Variants in PTPN9 observed in about 807,000 individuals in gnomAD.
PTPN9 encodes tyrosine-protein phosphatase non-receptor type 9.
A neutral mutation model predicts 69.8 loss-of-function variants in PTPN9; 26 were observed. The ratio of observed to expected loss-of-function variants is 0.37; its 90% CI spans 0.27 to 0.52. PTPN9 has a LOEUF of 0.52. Ranked by LOEUF, PTPN9 falls within the 20% of genes least tolerant of loss-of-function variation. The probability of loss-of-function intolerance (pLI) is 0.91; values close to 1 mark genes in which losing one functional copy is unlikely to be tolerated. For missense variants in PTPN9, 549 were observed against 740.3 expected (o/e 0.74, Z 3.00); for synonymous variants, 274 against 272.5 (o/e 1.01, Z -0.05).
chr15:75,529,655 A>T (rs1023307770), intron 1 of PTPN9, among the ~76,000 whole-genome samples: 1 of 152,182 alleles, frequency 6.6e-6, no homozygotes, highest in African/African-American at 2.4e-5. Flanking sequence ...CACAACTATA[A>T]TCCCAGCACT....
intron 7 of PTPN9, among the ~76,000 whole-genome samples, chr15:75,494,047 G>A (rs1018100795): frequency 6.6e-5 from 10 of 150,886 alleles, no homozygotes; most frequent in South Asian, 6.2e-4. Context: ...TTTTGACAGC[G>A]TTGAGTACTT....
intron 1 of PTPN9, among the ~76,000 whole-genome samples, chr15:75,547,112 G>A (rs2075036437): frequency 1.3e-5 from 2 of 151,614 alleles, no homozygotes; most frequent in African/African-American, 4.8e-5. Context: ...CTGGCCAAAT[G>A]GTGAAACTTT....
intron 1 of PTPN9, among the ~76,000 whole-genome samples, chr15:75,531,567 GT>G (rs2074964218): frequency 6.6e-6 from 1 of 150,420 alleles, no homozygotes; most frequent in Non-Finnish European, 1.5e-5. Flanking sequence ...ACCTGTTTTT[GT>G]TTTTTGTTTT....
intron 9 of PTPN9, among the ~76,000 whole-genome samples, chr15:75,476,566 T>C (rs981293585): frequency 3.3e-5 from 5 of 152,130 alleles, no homozygotes; most frequent in African/African-American, 1.2e-4. Context: ...CTGCCCGCCT[T>C]GGCCTCCCAA....
chr15:75,506,364 G>C (rs901912002), intron 6 of PTPN9, among the ~76,000 whole-genome samples: 1 of 152,156 alleles, frequency 6.6e-6, no homozygotes, highest in Non-Finnish European at 1.5e-5. Flanking sequence ...TGCATAGGTA[G>C]TAGTTATTTT....
intron 1 of PTPN9, among the ~76,000 whole-genome samples, chr15:75,557,912 G>T (rs2141338711): frequency 6.6e-6 from 1 of 152,238 alleles, no homozygotes; most frequent in East Asian, 1.9e-4. Flanking sequence ...GAAAGAAAAT[G>T]GGCTGGGCGC....
At chr15:75,557,609 A>G (rs1182040145) in intron 1 of PTPN9, among the ~76,000 whole-genome samples, 1 of 152,120 alleles carries the variant, frequency 6.6e-6, no homozygotes, top group Non-Finnish European at 1.5e-5. Flanking sequence ...TGGCTGTACC[A>G]TTTTATATTC....
In PTPN9 at chr15:75,578,923, G is replaced by T; in HGVS notation, c.-147C>A. 1 of 369,584 alleles carries T rather than the reference G, an allele frequency of 2.7e-6. No individual in the cohort carries two copies. Among genetic ancestry groups the T allele is most frequent in the Non-Finnish European group, 4.4e-6 (1 of 225,708 alleles). 22.9% of individuals were successfully genotyped at this position (369,584 alleles called of 1,614,324 possible). Reference sequence around the variant, plus strand: ...GCCGGCAGGGCCCGGCGCCTGCAGCGGCCGCAAACGCCGCTTCTGCTTCCT... The same window carrying T: ...GCCGGCAGGGCCCGGCGCCTGCAGCTGCCGCAAACGCCGCTTCTGCTTCCT... On this transcript the variant is annotated 5_prime_UTR_variant, in exon 1 of 13. Coordinates refer to ENST00000618819, the MANE Select transcript of PTPN9 (RefSeq NM_002833.4).
In PTPN9 at chr15:75,568,330, A is replaced by G. The variant is rs150641672; in HGVS notation, c.63+10384T>C. ...CAACAGAACGAGACCCTGTCTCTAC[A>G]ACAAATAAAAAATAAAAAATCTAAC... On this transcript the variant is annotated intron_variant, in intron 1 of 12. Coordinates refer to ENST00000618819, the MANE Select transcript of PTPN9 (RefSeq NM_002833.4). Among the ~76,000 whole-genome samples the G allele has an allele frequency of 2.0e-5, 3 of 149,966 alleles. No individual in the cohort carries two copies. In the East Asian group the frequency reaches 6.0e-4, roughly 30 times the overall value.
intron 5 of PTPN9, among the ~76,000 whole-genome samples, chr15:75,516,093 T>A (rs1044753400): frequency 6.6e-6 from 1 of 152,060 alleles, no homozygotes; most frequent in Admixed American, 6.6e-5. Flanking sequence ...CTAGAGACCC[T>A]CTTACACATA....
chr15:75,475,511 G>A (rs1230317826), intron 9 of PTPN9, among the ~76,000 whole-genome samples: 1 of 152,150 alleles, frequency 6.6e-6, no homozygotes, highest in African/African-American at 2.4e-5. Context: ...CCCAGGAGGC[G>A]GAGGTTGCAT....
chr15:75,484,776 G>C (rs183389848), intron 8 of PTPN9, among the ~76,000 whole-genome samples: 83 of 152,280 alleles, frequency 5.5e-4, no homozygotes, highest in Middle Eastern at 6.8e-3. Flanking sequence ...AGGTCAGACT[G>C]ACTCTTTCCT....
At chr15:75,570,055 G>A (rs2075142515) in intron 1 of PTPN9, among the ~76,000 whole-genome samples, 1 of 151,974 alleles carries the variant, frequency 6.6e-6, no homozygotes, top group Non-Finnish European at 1.5e-5. Context: ...TCTTGACCTT[G>A]TGATCCACCC....
chr15:75,482,458 G>A (rs1483385829), intron 8 of PTPN9, among the ~76,000 whole-genome samples: 2 of 151,488 alleles, frequency 1.3e-5, no homozygotes, highest in Admixed American at 6.6e-5. Flanking sequence ...CCAGCTACTC[G>A]GGAGGCTGAG....
chr15:75,561,838 T>A (rs1404292167), intron 1 of PTPN9, among the ~76,000 whole-genome samples: 1 of 152,050 alleles, frequency 6.6e-6, no homozygotes, highest in Non-Finnish European at 1.5e-5. Context: ...GCCTCCCAAG[T>A]AGCTGGGATT....
At chr15:75,507,410 C>A (rs1263818438) in intron 6 of PTPN9, among the ~76,000 whole-genome samples, 2 of 141,006 alleles carry the variant, frequency 1.4e-5, no homozygotes, top group Admixed American at 7.5e-5. Flanking sequence ...CATGCCATTG[C>A]ACTCTAGCCT....
At chr15:75,473,948 G>T (rs565281336) in intron 9 of PTPN9, among the ~76,000 whole-genome samples, 181 bp from the exon 10 acceptor site, 1 of 152,132 alleles carries the variant, frequency 6.6e-6, no homozygotes, top group Non-Finnish European at 1.5e-5. Flanking sequence ...CATCGTATGG[G>T]AGAGTGTAAG....
intron 1 of PTPN9, among the ~76,000 whole-genome samples, chr15:75,565,869 A>G (rs865862680): frequency 6.6e-6 from 1 of 152,230 alleles, no homozygotes; most frequent in Non-Finnish European, 1.5e-5. Flanking sequence ...AAGTCTTAAC[A>G]GTAAAAAATG....
At position 75,465,567 on chromosome 15, in the gene PTPN9, T is replaced by C. The variant is rs1434852179; in HGVS notation, c.*3202A>G. On this transcript the variant is annotated 3_prime_UTR_variant, in exon 13 of 13. Transcript: ENST00000618819. ...TGGTAAAAGCTACAAACAATGGCAG[T>C]GGGAGGAGTTCCTCTGAGTTTTACT... 2.6e-5 allele frequency: 4 copies of C among 152,192 alleles called. No individual in the cohort carries two copies. The highest frequency in any genetic ancestry group is 5.9e-5 in the Non-Finnish European group (4 of 68,046). The allele number at this position is 152,192 out of a possible 1,614,324, so 9.4% of individuals were successfully genotyped here. A position where few individuals can be genotyped will look rare whatever the true frequency, so the allele number is the denominator to read the frequency against.
Sources: allele counts gnomAD v4.1 joint callset (sites outside exome capture counted in the v4.1 genomes callset), GRCh38; gene constraint gnomAD v4.1.1; transcripts MANE v1.5; gene names NCBI Gene and HGNC (gene_info 2026-07-23, HGNC 2026-07-21).